ERGIC3: variants seen among roughly 807,000 people sequenced by gnomAD.
ERGIC3 encodes endoplasmic reticulum-Golgi intermediate compartment protein 3.
ERGIC3 carries 33 observed loss-of-function variants against 54.7 expected under a neutral mutation model. The observed-to-expected ratio is 0.60, with a 90% CI of 0.46 to 0.81. The LOEUF is 0.81. Ranked by LOEUF, ERGIC3 falls within the 30% of genes least tolerant of loss-of-function variation. ERGIC3 has a pLI of 0.00. For synonymous variants in ERGIC3, 186 were observed against 189.8 expected (o/e 0.98, Z 0.16); for missense variants, 399 against 488.4 (o/e 0.82, Z 1.73).
chr20:35,549,232 C>G (rs1375818433), intron 7 of ERGIC3: 1 of 473,894 alleles, frequency 2.1e-6, no homozygotes, highest in Admixed American at 2.3e-5. Context: ...AAATGGTAGC[C>G]CCCCGTGTCC....
At position 35,548,829 on chromosome 20, in the gene ERGIC3, G is replaced by T; in HGVS notation, c.649G>T (p.Ala217Ser). Reference protein sequence around the residue: ...VNKVAGNFHFAPGKSFQQSHV... With the variant: ...VNKVAGNFHFSPGKSFQQSHV... ...ACAGGTGGCCGGAAACTTCCACTTTGCCCCTGGGAAGAGCTTCCAGCAGTC... is the reference window on the plus strand; with the variant it reads ...ACAGGTGGCCGGAAACTTCCACTTTTCCCCTGGGAAGAGCTTCCAGCAGTC... Residue 217 changes from alanine (A) to serine (S), a missense_variant, in exon 7 of 13, where the codon GCC becomes TCC. By Grantham distance (99) the Ala-to-Ser change is moderately conservative. Transcript: ENST00000348547. 6.2e-7 allele frequency: 1 copy of T among 1,614,236 alleles called. No individual in the cohort carries two copies. Among genetic ancestry groups the T allele is most frequent in the Non-Finnish European group, 8.5e-7 (1 of 1,180,042 alleles).
At chr20:35,554,899 T>C in intron 7 of ERGIC3, 145 bp from the exon 8 acceptor site, 1 of 1,000,416 alleles carries the variant, frequency 1.0e-6, no homozygotes. Context: ...CTGGCTGTCC[T>C]TAAGCAGGAC....
rs909288118 is a variant in ERGIC3, at chr20:35,542,520, C to A, written c.167C>A (p.Pro56His). 1 of 1,613,992 alleles carries A rather than the reference C, an allele frequency of 6.2e-7. No individual in the cohort carries two copies. Among genetic ancestry groups the A allele is most frequent in the South Asian group, 1.1e-5 (1 of 91,074 alleles). ...GAGGTAGCGCTGCCCCAGGTGCATC[C>A]TGAGCTCTACGTGGACAAGTCGCGG... is the stretch of plus-strand genomic sequence containing the variant. ...LQYYLTTEVH[P>H]ELYVDKSRGD... The change falls in exon 3 of 13, where the codon CCT (proline) becomes CAT (histidine). Residue 56 changes from proline (P) to histidine (H), a missense_variant. Coordinates refer to ENST00000348547, the MANE Select transcript of ERGIC3 (RefSeq NM_015966.3).
chr20:35,543,807 T>G, intron 4 of ERGIC3: 7 of 438,440 alleles, frequency 1.6e-5, no homozygotes, highest in South Asian at 1.2e-4. Context: ...AGGAGAAGGT[T>G]TTTTTGGTGG....
At position 35,557,071 on chromosome 20, in the gene ERGIC3, G is replaced by C. The variant is rs754492134; in HGVS notation, c.978G>C (p.Glu326Asp). ...TTCCCGGAGTCTTCGTCCTCTATGAGCTCTCGCCCATGATGGTGAAGCTGA... is the reference window on the plus strand; with the variant it reads ...TTCCCGGAGTCTTCGTCCTCTATGACCTCTCGCCCATGATGGTGAAGCTGA... ...QGLPGVFVLY[E>D]LSPMMVKLTE... is the part of the protein sequence containing the mutation. The change falls in exon 11 of 13, where the codon GAG becomes GAC. Residue 326 changes from glutamate to aspartate, a missense_variant. Transcript: ENST00000348547. 6.2e-7 allele frequency: 1 copy of C among 1,614,246 alleles called. No individual in the cohort carries two copies.
chr20:35,551,136 T>C (rs2064679547), intron 7 of ERGIC3, among the ~76,000 whole-genome samples: 1 of 151,714 alleles, frequency 6.6e-6, no homozygotes, highest in Admixed American at 6.6e-5. Context: ...TACTAAAAAA[T>C]GCAAAAAATC....
At chr20:35,547,327 TA>T in intron 4 of ERGIC3, 84 bp from the exon 5 acceptor site, 1 of 999,444 alleles carries the variant, frequency 1.0e-6, no homozygotes, top group Non-Finnish European at 1.6e-6. Context: ...TTATTATCCC[TA>T]AGCAAAGGGC....
rs746564496 is a variant in ERGIC3, at chr20:35,548,526, A to C, written c.479A>C (p.Glu160Ala). The C allele has an allele frequency of 3.1e-6, 5 of 1,614,170 alleles. No homozygotes were observed. Among genetic ancestry groups the C allele is most frequent in the African/African-American group, 1.3e-5 (1 of 75,064 alleles). ...CCCTACAGGTGCTGTAACACCTGTG[A>C]AGATGTGCGGGAGGCATATCGCCGT... ...AEDIKCCNTC[E>A]DVREAYRRRG... Residue 160 changes from glutamate to alanine, a missense_variant, in exon 6 of 13, where the codon GAA (glutamate) becomes GCA (alanine). Transcript: ENST00000348547.
At chr20:35,555,178 GA>G in intron 8 of ERGIC3, 103 bp downstream of exon 8, 2 of 1,326,554 alleles carry the variant, frequency 1.5e-6, no homozygotes, top group East Asian at 2.3e-5. Flanking sequence ...AGTGCATATG[GA>G]AAAATACACC....
At chr20:35,542,490 T>G in intron 2 of ERGIC3, 23 bp from the exon 3 acceptor site, 1 of 1,613,944 alleles carries the variant, frequency 6.2e-7, no homozygotes, top group Non-Finnish European at 8.5e-7. Flanking sequence ...GGGCTAAGTC[T>G]TACTGAGGTA....
rs749449200 is a variant in ERGIC3, at chr20:35,542,954, G to C, written c.367+13G>C. 8 of 1,613,554 alleles carry C rather than the reference G, an allele frequency of 5.0e-6. No homozygotes were observed. Among genetic ancestry groups the C allele is most frequent in the Non-Finnish European group, 6.8e-6 (8 of 1,179,840 alleles). On this transcript the variant is annotated intron_variant, in intron 4 of 12. Coordinates refer to ENST00000348547, the MANE Select transcript of ERGIC3 (RefSeq NM_015966.3). The stretch of plus-strand genomic sequence containing the variant: ...GCTGAGCGGCATGGTAACCAGGGGA[G>C]GGGGCCGGGTCTCAGATCCCAAAGC...
intron 7 of ERGIC3, among the ~76,000 whole-genome samples, chr20:35,551,297 TAA>T (rs113467203): frequency 3.9e-4 from 54 of 137,370 alleles, no homozygotes; most frequent in Admixed American, 5.1e-4. Context: ...CCATCTCCAT[TAA>T]AAAAAAAAAA....
Position 35,542,172 on chromosome 20 carries a change from C to CG in ERGIC3, c.80dup (p.Ala28ArgfsTer30). On this transcript the variant is annotated frameshift_variant, in exon 1 of 13. Coordinates refer to ENST00000348547, the MANE Select transcript of ERGIC3 (RefSeq NM_015966.3). LOFTEE classifies it high-confidence loss of function. ...TGGAGGACTTCCGGGTCAAGACCTGCGGGGGCGCCACCGGTAGGCCGCAGC... is the reference window on the plus strand; with the variant it reads ...TGGAGGACTTCCGGGTCAAGACCTGCGGGGGGCGCCACCGGTAGGCCGCAGC... 1 of 1,578,464 alleles carries CG rather than the reference C, an allele frequency of 6.3e-7. No homozygotes were observed. The highest frequency in any genetic ancestry group is 8.6e-7 in the Non-Finnish European group (1 of 1,161,448).
chr20:35,552,757 C>G (rs756857451), intron 7 of ERGIC3, among the ~76,000 whole-genome samples: 1 of 152,052 alleles, frequency 6.6e-6, no homozygotes, highest in African/African-American at 2.4e-5. Flanking sequence ...GAATGGCCAA[C>G]AGAGCAAGTG....
At chr20:35,553,048 T>TTTTTTTTTTTTTTTTG (rs1252240608) in intron 7 of ERGIC3, among the ~76,000 whole-genome samples, 1 of 141,882 alleles carries the variant, frequency 7.0e-6, no homozygotes, top group Non-Finnish European at 1.5e-5. Context: ...TTTTTTTTTT[T>TTTTTTTTTTTTTTTTG]GAGGCTGGAG....
intron 7 of ERGIC3, 123 bp from the exon 8 acceptor site, chr20:35,554,921 A>G: frequency 8.3e-7 from 1 of 1,201,920 alleles, no homozygotes. Flanking sequence ...AGGAGGTGCC[A>G]GGCTGGAGAA....
In ERGIC3 at chr20:35,556,588, G is replaced by T. The variant is rs78656472; in HGVS notation, c.879+317G>T. 1.7e-4 allele frequency: 84 copies of T among 496,574 alleles called. No homozygotes were observed. In the East Asian group the frequency reaches 2.6e-3, roughly 15 times the overall value. 30.8% of individuals were successfully genotyped at this position (496,574 alleles called of 1,614,324 possible). ...AGGCAAGGCAAGTCTCTGTGTACCC[G>T]CTCCCAAGGCTGCCCTGGCCTGTGG... On this transcript the variant is annotated intron_variant, in intron 10 of 12. Transcript: ENST00000348547.
chr20:35,542,740 C>T (rs766687411), intron 3 of ERGIC3, 82 bp from the exon 4 acceptor site: 3 of 1,609,780 alleles, frequency 1.9e-6, no homozygotes, highest in Non-Finnish European at 1.7e-6. Context: ...CCAAGACAGG[C>T]CCAGTATCCC....
chr20:35,542,769 C>T (rs892892751), intron 3 of ERGIC3, 53 bp from the exon 4 acceptor site: 20 of 1,613,828 alleles, frequency 1.2e-5, no homozygotes, highest in East Asian at 6.7e-5. Flanking sequence ...CCAAAACCCA[C>T]ATCCCCTTGT....
Sources: gnomAD v4.1 joint callset for allele counts (sites outside exome capture counted in the v4.1 genomes callset) on GRCh38, gnomAD v4.1.1 for gene constraint, MANE v1.5 for transcripts, NCBI Gene and HGNC (gene_info 2026-07-23, HGNC 2026-07-21) for gene names.